The following PLEKHA7 variants were observed in gnomAD, a reference collection of about 807,000 sequenced individuals.
The protein encoded by PLEKHA7 is pleckstrin homology domain containing A7.
A neutral mutation model predicts 170.0 loss-of-function variants in PLEKHA7; 104 were observed. The observed-to-expected ratio is 0.61, with a 90% CI of 0.52 to 0.72. The LOEUF is 0.72. PLEKHA7 is among the 30% of genes least tolerant of loss of function. The pLI, the probability that PLEKHA7 is intolerant of heterozygous loss-of-function variation, is 0.00. For synonymous variants in PLEKHA7, 648 were observed against 660.8 expected (o/e 0.98, Z 0.30); for missense variants, 1,615 against 1,671.7 (o/e 0.97, Z 0.59).
At chr11:16,917,113 G>A (rs1858738920) in intron 3 of PLEKHA7, among the ~76,000 whole-genome samples, 1 of 152,056 alleles carries the variant, frequency 6.6e-6, no homozygotes, top group Non-Finnish European at 1.5e-5. Context: ...CAGCTACTTG[G>A]GAGGCTGAGT....
At chr11:16,945,721 G>C (rs1053378978) in intron 3 of PLEKHA7, among the ~76,000 whole-genome samples, 5 of 152,202 alleles carry the variant, frequency 3.3e-5, no homozygotes, top group African/African-American at 1.2e-4. Flanking sequence ...GAGGGGAAGG[G>C]AGTAGTTAGG....
intron 3 of PLEKHA7, among the ~76,000 whole-genome samples, chr11:16,899,457 A>G (rs999466427): frequency 6.6e-6 from 1 of 152,204 alleles, no homozygotes; most frequent in African/African-American, 2.4e-5. Context: ...AGATCACGCC[A>G]TTGCACTCCA....
At chr11:16,855,104 A>T in intron 5 of PLEKHA7, 111 bp from the exon 6 acceptor site, 1 of 815,952 alleles carries the variant, frequency 1.2e-6, no homozygotes, top group Non-Finnish European at 2.0e-6. Context: ...AAATGGCAGC[A>T]CCCTTTGATC....
At chr11:16,853,847 CAGA>C (rs1280580790) in intron 6 of PLEKHA7, among the ~76,000 whole-genome samples, 11 of 152,196 alleles carry the variant, frequency 7.2e-5, no homozygotes, top group Non-Finnish European at 1.3e-4. Context: ...GCCAGAGCTG[CAGA>C]AGAAGATTTT....
At chr11:16,984,240 G>T (rs1196777478) in intron 3 of PLEKHA7, among the ~76,000 whole-genome samples, 1 of 151,708 alleles carries the variant, frequency 6.6e-6, no homozygotes, top group Non-Finnish European at 1.5e-5. Flanking sequence ...CTTTTCTTTA[G>T]AATAAGTATA....
chr11:16,901,772 G>A (rs1395452538), intron 3 of PLEKHA7, among the ~76,000 whole-genome samples: 1 of 152,204 alleles, frequency 6.6e-6, no homozygotes, highest in Admixed American at 6.5e-5. Context: ...TCAAGAGGCT[G>A]AGGTGGGAGG....
chr11:16,826,701 G>C, intron 9 of PLEKHA7, 111 bp from the exon 10 acceptor site: 1 of 984,868 alleles, frequency 1.0e-6, no homozygotes, highest in South Asian at 1.6e-5. Flanking sequence ...CCTCTGCTCA[G>C]AACGCCTTTC....
chr11:17,006,119 C>T (rs533465413), intron 3 of PLEKHA7, among the ~76,000 whole-genome samples: 10 of 152,128 alleles, frequency 6.6e-5, no homozygotes, highest in African/African-American at 2.4e-4. Flanking sequence ...GCCTGTAATC[C>T]CAGCACTTTA....
rs188964325 is a variant in PLEKHA7, at chr11:16,798,820, T to C, written c.2409+2154A>G. On this transcript the variant is annotated intron_variant, in intron 17 of 26. Coordinates refer to ENST00000531066, the MANE Select transcript of PLEKHA7 (RefSeq NM_001329630.2). ...CTAGGAGCCTATCTTACACAGATAC[T>C]TGTAAACAATGTGAAAAGGCAGTTA... Among the ~76,000 whole-genome samples, 516 of 152,304 alleles carry C rather than the reference T, an allele frequency of 3.4e-3. 7 individuals carry two copies. The highest frequency in any genetic ancestry group is 0.012 in the African/African-American group (495 of 41,560).
intron 3 of PLEKHA7, among the ~76,000 whole-genome samples, chr11:16,950,781 A>G (rs1230837533): frequency 6.6e-6 from 1 of 151,420 alleles, no homozygotes; most frequent in Admixed American, 6.6e-5. Flanking sequence ...TTTCCCAAAC[A>G]TTTTCCCCTC....
At chr11:16,910,910 T>C (rs1188740636) in intron 3 of PLEKHA7, among the ~76,000 whole-genome samples, 1 of 152,244 alleles carries the variant, frequency 6.6e-6, no homozygotes, top group Non-Finnish European at 1.5e-5. Context: ...GCTCCAGCTG[T>C]AATCTACTGT....
intron 3 of PLEKHA7, among the ~76,000 whole-genome samples, chr11:16,886,841 A>G (rs1427092915): frequency 6.6e-6 from 1 of 152,194 alleles, no homozygotes; most frequent in Non-Finnish European, 1.5e-5. Context: ...TTGAGAGCCA[A>G]CTAGATGCCA....
At chr11:16,903,484 T>A (rs1857463364) in intron 3 of PLEKHA7, among the ~76,000 whole-genome samples, 1 of 152,154 alleles carries the variant, frequency 6.6e-6, no homozygotes, top group African/African-American at 2.4e-5. Context: ...CCATAACCCA[T>A]CACCATTGCA....
chr11:16,779,064 A>T, intron 26 of PLEKHA7, 44 bp from the exon 27 acceptor site: 1 of 702,352 alleles, frequency 1.4e-6, no homozygotes, highest in South Asian at 1.5e-5. Context: ...GCATCCAGGG[A>T]GCAGGCACGT....
rs57827972 is a variant in PLEKHA7 at position 16,786,253 on chromosome 11, G to A, written c.3492C>T (p.Asp1164=). 3.9e-3 allele frequency: 5,971 copies of A among 1,536,120 alleles called. 121 individuals carry two copies. In the African/African-American group the frequency reaches 0.055, roughly 14 times the overall value. ...PVTELDLEPQ[D]YDLDISRELS... ...CCTCTCTGCTGATGTCCAAGTCATA[G>A]TCTTGAGGCTCCAGGTCCAACTCAG... Residue 1164 remains aspartate (D), a synonymous_variant, in exon 24 of 27, where the codon GAC becomes GAT. Coordinates refer to ENST00000531066, the MANE Select transcript of PLEKHA7 (RefSeq NM_001329630.2).
chr11:16,789,707 C>A lies in PLEKHA7; in HGVS notation c.3156+68G>T. The A allele has an allele frequency of 7.1e-7, 1 of 1,409,322 alleles. No individual in the cohort carries two copies. Among genetic ancestry groups the A allele is most frequent in the Non-Finnish European group, 9.9e-7 (1 of 1,008,616 alleles). The allele number at this position is 1,409,322 out of a possible 1,614,324, so 87.3% of individuals were successfully genotyped here. On this transcript the variant is annotated intron_variant, in intron 22 of 26. Coordinates refer to ENST00000531066, the MANE Select transcript of PLEKHA7 (RefSeq NM_001329630.2). The surrounding 1 kb of genome is among the most constrained non-coding windows in gnomAD (Gnocchi z 4.6). ...GGCTGAAGGGATGGCCAGTTACTGT[C>A]CCCCTGGGAGACCCTCCCTCCCCAT...
chr11:16,839,862 A>ATC (rs986702327), intron 9 of PLEKHA7, among the ~76,000 whole-genome samples: 1 of 152,126 alleles, frequency 6.6e-6, no homozygotes, highest in Non-Finnish European at 1.5e-5. Context: ...ATATATATAT[A>ATC]TTAAAAGAAT....
At chr11:16,889,190 G>A (rs1856430718) in intron 3 of PLEKHA7, among the ~76,000 whole-genome samples, 8 of 151,418 alleles carry the variant, frequency 5.3e-5, no homozygotes, top group African/African-American at 2.4e-5. Flanking sequence ...TCAACTTTGT[G>A]ACATTCTTCT....
chr11:16,845,140 G>A (rs1852287603), intron 8 of PLEKHA7, among the ~76,000 whole-genome samples: 1 of 152,136 alleles, frequency 6.6e-6, no homozygotes, highest in African/African-American at 2.4e-5. Flanking sequence ...TAGCAGGGAG[G>A]AGCTAGGTAG....
Sources: gnomAD v4.1 joint callset for allele counts (sites outside exome capture counted in the v4.1 genomes callset) on GRCh38, gnomAD v4.1.1 for gene constraint, Gnocchi (gnomAD v3.1) non-coding constraint, MANE v1.5 for transcripts, NCBI Gene and HGNC (gene_info 2026-07-23, HGNC 2026-07-21) for gene names.